Variants in KCNMB2 observed in about 807,000 individuals in gnomAD.
KCNMB2 encodes calcium-activated potassium channel subunit beta-2.
Under a neutral mutation model 24.5 loss-of-function variants are expected in KCNMB2, and 9 were observed. That is an observed-to-expected ratio of 0.37 (90% CI 0.22 to 0.64). KCNMB2 has a LOEUF of 0.64. Ranked by LOEUF, KCNMB2 falls within the 30% of genes least tolerant of loss-of-function variation. KCNMB2 has a pLI of 0.63. For missense variants in KCNMB2, 226 were observed against 284.3 expected, an observed-to-expected ratio of 0.79 and a Z score of 1.47; for synonymous variants, 109 against 104.4, an observed-to-expected ratio of 1.04 and a Z score of -0.27.
At chr3:178,570,008 A>G (rs1324749136) in intron 1 of KCNMB2, among the ~76,000 whole-genome samples, 2 of 152,178 alleles carry the variant, frequency 1.3e-5, no homozygotes, top group Non-Finnish European at 2.9e-5. Context: ...TACTCCTGGC[A>G]CGGAGCAAGA....
chr3:178,721,151 A>G (rs1422225446), intron 1 of KCNMB2, among the ~76,000 whole-genome samples: 2 of 152,178 alleles, frequency 1.3e-5, no homozygotes, highest in South Asian at 2.1e-4. Context: ...TAATTTTTGT[A>G]TAAGGTGTAA....
intron 1 of KCNMB2, among the ~76,000 whole-genome samples, chr3:178,691,070 T>C (rs892466625): frequency 6.7e-5 from 10 of 148,610 alleles, no homozygotes; most frequent in African/African-American, 2.5e-4. Flanking sequence ...CCCGAGTAGC[T>C]GGGACTACAG....
At chr3:178,790,368 G>A (rs1016251165) in intron 1 of KCNMB2, among the ~76,000 whole-genome samples, 2 of 152,068 alleles carry the variant, frequency 1.3e-5, no homozygotes, top group Non-Finnish European at 2.9e-5. Flanking sequence ...GACTTCTTCT[G>A]TTGAGGAAAG....
At chr3:178,753,427 G>T (rs559361425) in intron 1 of KCNMB2, among the ~76,000 whole-genome samples, 2 of 152,214 alleles carry the variant, frequency 1.3e-5, no homozygotes, top group South Asian at 4.1e-4. Flanking sequence ...TTGTCTATAA[G>T]GTAGTAATAA....
chr3:178,792,774 T>C (rs991967087), intron 1 of KCNMB2, among the ~76,000 whole-genome samples: 11 of 152,224 alleles, frequency 7.2e-5, no homozygotes, highest in African/African-American at 2.7e-4. Context: ...TAGCTATTCT[T>C]ATATTGTATG....
At chr3:178,558,062 A>G (rs1716185064) in intron 1 of KCNMB2, among the ~76,000 whole-genome samples, 1 of 152,182 alleles carries the variant, frequency 6.6e-6, no homozygotes, top group Non-Finnish European at 1.5e-5. Context: ...TCTTTGCAAG[A>G]GAGAAAAAAA....
intron 1 of KCNMB2, among the ~76,000 whole-genome samples, chr3:178,647,383 G>A (rs1378251869): frequency 1.3e-5 from 2 of 152,120 alleles, no homozygotes; most frequent in African/African-American, 4.8e-5. Context: ...GAAAATAAAT[G>A]AGAAAAAGAG....
At chr3:178,740,949 T>C (rs1454170896) in intron 1 of KCNMB2, among the ~76,000 whole-genome samples, 2 of 152,106 alleles carry the variant, frequency 1.3e-5, no homozygotes, top group Non-Finnish European at 2.9e-5. Flanking sequence ...TCATCAATTC[T>C]TCACAAGTGA....
At chr3:178,637,525 A>T (rs111345629) in intron 1 of KCNMB2, among the ~76,000 whole-genome samples, 26 of 152,362 alleles carry the variant, frequency 1.7e-4, no homozygotes, top group African/African-American at 6.3e-4. Flanking sequence ...AAGATAGTTA[A>T]TTACATTGGT....
At chr3:178,782,905 T>C (rs1230483075) in intron 1 of KCNMB2, among the ~76,000 whole-genome samples, 1 of 151,520 alleles carries the variant, frequency 6.6e-6, no homozygotes. Flanking sequence ...GGTTTTCTTC[T>C]AGGGTTTTTA....
intron 1 of KCNMB2, among the ~76,000 whole-genome samples, chr3:178,676,561 A>T (rs2108588990): frequency 6.6e-6 from 1 of 152,188 alleles, no homozygotes; most frequent in Admixed American, 6.5e-5. Context: ...TTTGAATTTT[A>T]CCACCTCCTG....
chr3:178,716,547 G>A (rs553587629), intron 1 of KCNMB2, among the ~76,000 whole-genome samples: 7 of 151,116 alleles, frequency 4.6e-5, no homozygotes, highest in Admixed American at 2.0e-4. Flanking sequence ...AGGTTCAAGC[G>A]ATTGTCCTGC....
chr3:178,624,952 G>A (rs13077058), intron 1 of KCNMB2, among the ~76,000 whole-genome samples: 104,885 of 151,844 alleles, frequency 0.69, 36,829 homozygotes, highest in African/African-American at 0.84. Flanking sequence ...GCAGCTTAGC[G>A]CAGGGCAGGG....
chr3:178,756,658 A>G (rs914586554), intron 1 of KCNMB2, among the ~76,000 whole-genome samples: 2 of 152,086 alleles, frequency 1.3e-5, no homozygotes, highest in African/African-American at 4.8e-5. Flanking sequence ...ATGAATCCCA[A>G]ATTCAGCCAT....
intron 1 of KCNMB2, among the ~76,000 whole-genome samples, chr3:178,576,478 A>G (rs1453247808): frequency 6.6e-6 from 1 of 152,116 alleles, no homozygotes; most frequent in African/African-American, 2.4e-5. Context: ...GTGCCTGGAA[A>G]ACCAGCAAGA....
At chr3:178,768,969 T>C (rs1263459443) in intron 1 of KCNMB2, among the ~76,000 whole-genome samples, 1 of 151,962 alleles carries the variant, frequency 6.6e-6, no homozygotes, top group Non-Finnish European at 1.5e-5. Flanking sequence ...GAAGAAGTGA[T>C]AGCAATATTA....
chr3:178,773,607 C>A (rs1195825605), intron 1 of KCNMB2, among the ~76,000 whole-genome samples: 1 of 152,162 alleles, frequency 6.6e-6, no homozygotes, highest in African/African-American at 2.4e-5. Context: ...ACCTCTTCCT[C>A]CCCACTCTTC....
intron 1 of KCNMB2, among the ~76,000 whole-genome samples, chr3:178,718,914 T>G (rs1722707123): frequency 6.6e-6 from 1 of 152,190 alleles, no homozygotes; most frequent in Admixed American, 6.5e-5. Flanking sequence ...TAATGAGATC[T>G]ATCCCATCAC....
intron 1 of KCNMB2, among the ~76,000 whole-genome samples, chr3:178,779,164 A>G (rs1343476773): frequency 6.6e-6 from 1 of 152,172 alleles, no homozygotes; most frequent in Non-Finnish European, 1.5e-5. Context: ...CTACTTGAGG[A>G]GGCCCCAGCC....
Sources: gnomAD v4.1 joint callset for allele counts (sites outside exome capture counted in the v4.1 genomes callset) on GRCh38, gnomAD v4.1.1 for gene constraint, MANE v1.5 for transcripts, NCBI Gene and HGNC (gene_info 2026-07-23, HGNC 2026-07-21) for gene names.